The following STK24 variants were observed in gnomAD, a reference collection of about 807,000 sequenced individuals.
STK24 encodes serine/threonine-protein kinase 24.
A neutral mutation model predicts 55.6 loss-of-function variants in STK24; 21 were observed. The ratio of observed to expected loss-of-function variants is 0.38; its 90% confidence interval spans 0.27 to 0.54. The LOEUF (loss-of-function observed/expected upper bound fraction) is 0.54. STK24 is among the 20% of genes least tolerant of loss of function. The probability of loss-of-function intolerance (pLI) is 0.79; values close to 1 mark genes in which losing one functional copy is unlikely to be tolerated. For synonymous variants in STK24, 200 were observed against 215.2 expected (o/e 0.93, Z 0.62); for missense variants, 383 against 538.4 (o/e 0.71, Z 2.86).
chr13:98,482,212 G>C, intron 3 of STK24, 53 bp downstream of exon 3: 1 of 1,067,192 alleles, frequency 9.4e-7, no homozygotes, highest in Non-Finnish European at 1.3e-6. Flanking sequence ...TTAAAACCCA[G>C]GTTTCCTGAG....
chr13:98,453,463 G>A (rs770770036), intron 10 of STK24: 1 of 480,316 alleles, frequency 2.1e-6, no homozygotes, highest in Non-Finnish European at 3.7e-6. Context: ...GGAGAGATGT[G>A]AATAAAACGG....
intron 1 of STK24, among the ~76,000 whole-genome samples, chr13:98,532,701 T>C (rs1896612888): frequency 6.6e-6 from 1 of 152,248 alleles, no homozygotes; most frequent in South Asian, 2.1e-4. Flanking sequence ...TCCTCAAATA[T>C]TCTTTCGAAG....
intron 10 of STK24, chr13:98,454,819 AGAT>A (rs1311806678): frequency 6.6e-6 from 1 of 152,238 alleles, no homozygotes; most frequent in Non-Finnish European, 1.5e-5. Flanking sequence ...GCCTGCAGAG[AGAT>A]GATAAGCACC....
intron 2 of STK24, among the ~76,000 whole-genome samples, chr13:98,512,719 C>CA (rs139981629): frequency 0.44 from 67,118 of 152,018 alleles, 16,989 homozygotes; most frequent in Non-Finnish European, 0.56. Flanking sequence ...ACAAAACATG[C>CA]AAAAAACATG....
intron 2 of STK24, among the ~76,000 whole-genome samples, chr13:98,489,771 T>C (rs1182579088): frequency 2.0e-5 from 3 of 152,142 alleles, no homozygotes; most frequent in Non-Finnish European, 4.4e-5. Context: ...CAGCTAGGAA[T>C]GAGAGGGACA....
chr13:98,527,551 C>G (rs558516518), intron 1 of STK24, among the ~76,000 whole-genome samples: 1 of 152,344 alleles, frequency 6.6e-6, no homozygotes, highest in Non-Finnish European at 1.5e-5. Flanking sequence ...GTGCCCACAC[C>G]TGGGCAACTC....
chr13:98,555,458 AG>A (rs1205449234), intron 1 of STK24, among the ~76,000 whole-genome samples: 1 of 151,858 alleles, frequency 6.6e-6, no homozygotes, highest in East Asian at 2.0e-4. Context: ...GGGCGCCTGT[AG>A]TCCCAGCTAC....
intron 1 of STK24, among the ~76,000 whole-genome samples, chr13:98,566,879 C>G (rs1897587540): frequency 6.6e-6 from 1 of 152,228 alleles, no homozygotes. Context: ...GAACGCTCCT[C>G]AAGCAATACC....
At chr13:98,460,828 C>T (rs1243111773) in intron 8 of STK24, among the ~76,000 whole-genome samples, 2 of 151,830 alleles carry the variant, frequency 1.3e-5, no homozygotes, top group Non-Finnish European at 2.9e-5. Context: ...TCACTTGAGC[C>T]CAAGAGTTCG....
intron 2 of STK24, among the ~76,000 whole-genome samples, chr13:98,496,537 T>A (rs1430090421): frequency 3.9e-5 from 6 of 152,166 alleles, no homozygotes; most frequent in Non-Finnish European, 7.4e-5. Context: ...ACCCTCCATG[T>A]CCCAGTAAGG....
intron 3 of STK24, among the ~76,000 whole-genome samples, chr13:98,480,740 G>T (rs189158380): frequency 1.3e-5 from 2 of 152,120 alleles, no homozygotes; most frequent in East Asian, 3.8e-4. Context: ...TGAGAAAAAA[G>T]TTTCATTTTA....
intron 1 of STK24, among the ~76,000 whole-genome samples, chr13:98,562,042 G>A (rs1285121922): frequency 6.7e-6 from 1 of 149,638 alleles, no homozygotes; most frequent in African/African-American, 2.5e-5. Flanking sequence ...ACAGAAGTCA[G>A]TTAAGACAGT....
intron 1 of STK24, among the ~76,000 whole-genome samples, chr13:98,519,921 C>T (rs952177662): frequency 6.6e-6 from 1 of 152,082 alleles, no homozygotes. Context: ...CCAGCTATAT[C>T]ACAGAACAGA....
At chr13:98,516,568 G>A (rs1896067084) in intron 2 of STK24, among the ~76,000 whole-genome samples, 1 of 152,174 alleles carries the variant, frequency 6.6e-6, no homozygotes, top group African/African-American at 2.4e-5. Context: ...GCTGAGTTCT[G>A]ACCAGGAGAA....
intron 2 of STK24, among the ~76,000 whole-genome samples, chr13:98,486,125 C>A (rs543528573): frequency 6.6e-6 from 1 of 151,618 alleles, no homozygotes; most frequent in Non-Finnish European, 1.5e-5. Flanking sequence ...TTGATGGGTG[C>A]GGCAAACCAC....
chr13:98,499,736 T>A (rs1410799191), intron 2 of STK24, among the ~76,000 whole-genome samples: 1 of 152,088 alleles, frequency 6.6e-6, no homozygotes, highest in African/African-American at 2.4e-5. Flanking sequence ...GAAGCCCTGA[T>A]CAGCAAAGAC....
At chr13:98,563,300 T>C (rs988059425) in intron 1 of STK24, among the ~76,000 whole-genome samples, 14 of 152,184 alleles carry the variant, frequency 9.2e-5, no homozygotes, top group African/African-American at 4.8e-5. Flanking sequence ...TCTGCCTTTA[T>C]TCTTCAGAGA....
intron 1 of STK24, among the ~76,000 whole-genome samples, chr13:98,533,050 AT>A (rs1464916761): frequency 2.0e-5 from 3 of 152,238 alleles, no homozygotes; most frequent in Non-Finnish European, 2.9e-5. Context: ...GAGAAATTAA[AT>A]TCTATGAATT....
At chr13:98,557,988 G>A (rs372440486) in intron 1 of STK24, among the ~76,000 whole-genome samples, 2 of 152,056 alleles carry the variant, frequency 1.3e-5, no homozygotes, top group Non-Finnish European at 2.9e-5. Flanking sequence ...ATCTTCAGCC[G>A]GCTAGGTCTA....
Sources: allele counts gnomAD v4.1 joint callset (sites outside exome capture counted in the v4.1 genomes callset), GRCh38; gene constraint gnomAD v4.1.1; transcripts MANE v1.5; gene names NCBI Gene and HGNC (gene_info 2026-07-23, HGNC 2026-07-21).